Variants in PPFIA2 observed in about 807,000 individuals in gnomAD.
The protein encoded by PPFIA2 is liprin-alpha-2.
A neutral mutation model predicts 175.5 loss-of-function variants in PPFIA2; 46 were observed. The observed-to-expected ratio is 0.26, with a 90% CI of 0.21 to 0.34. The LOEUF is 0.34. Among genes scored for constraint, PPFIA2 ranks in the 10% least tolerant of loss-of-function variants. The pLI, the probability that PPFIA2 is intolerant of heterozygous loss-of-function variation, is 1.00. For synonymous variants in PPFIA2, 568 were observed against 511.4 expected, an observed-to-expected ratio of 1.11 and a Z score of -1.49; for missense variants, 1,179 against 1,506.1, an observed-to-expected ratio of 0.78 and a Z score of 3.60.
At position 81,717,002 on chromosome 12, in the gene PPFIA2, T is replaced by G. The variant is rs573982853; in HGVS notation, c.249+36971A>C. ...TAGGCCTTGTTGAACTAAAGACATT[T>G]CATGATCTGAAGTAATGTAATTGTA... On this transcript the variant is annotated intron_variant, in intron 3 of 32. Transcript: ENST00000549396. Among the ~76,000 whole-genome samples, 10 of 151,728 alleles carry G rather than the reference T, an allele frequency of 6.6e-5. No individual in the cohort carries two copies. In the South Asian group the frequency reaches 2.1e-3, roughly 31 times the overall value.
At position 81,493,789 on chromosome 12, in the gene PPFIA2, C is replaced by T. The variant is rs868210190; in HGVS notation, c.304-35923G>A. 3.9e-3 allele frequency among the ~76,000 whole-genome samples: 409 copies of T among 106,150 alleles called. 7 individuals carry two copies. In the East Asian group the frequency reaches 0.076, roughly 20 times the overall value. 69.6% of individuals were successfully genotyped at this position (106,150 alleles called of 152,430 possible). A position where few individuals can be genotyped will look rare whatever the true frequency, so the allele number is the denominator to read the frequency against. On this transcript the variant is annotated intron_variant, in intron 4 of 32. Transcript: ENST00000549396. ...ATATATATATATATATATATATATA[C>T]ACATTGGAAAAAATAACAGCATTTT...
rs78238760 is a variant in PPFIA2, at chr12:81,417,732, G to T, written c.646-11829C>A. On this transcript the variant is annotated intron_variant, in intron 7 of 32. Transcript: ENST00000549396. ...TTATTTTTATGTGATTTTTAAATGT[G>T]CACATATCAAAATAATGTCAGTATG... Among the ~76,000 whole-genome samples, 12 of 151,670 alleles carry T rather than the reference G, an allele frequency of 7.9e-5. No individual in the cohort carries two copies. In the East Asian group the frequency reaches 1.4e-3, roughly 17 times the overall value.
At chr12:81,302,626 G>C in intron 22 of PPFIA2, 1 of 444,412 alleles carries the variant, frequency 2.3e-6, no homozygotes, top group Non-Finnish European at 4.5e-6. Context: ...AAACGGATCA[G>C]ATGGGAGGGA....
chr12:81,481,274 C>G (rs971225205), intron 4 of PPFIA2, among the ~76,000 whole-genome samples: 1 of 152,146 alleles, frequency 6.6e-6, no homozygotes, highest in Non-Finnish European at 1.5e-5. Context: ...ATTCCAAGCT[C>G]ATGGATAGGA....
At chr12:81,474,535 G>A (rs187553248) in intron 4 of PPFIA2, among the ~76,000 whole-genome samples, 6 of 151,966 alleles carry the variant, frequency 3.9e-5, no homozygotes, top group African/African-American at 7.3e-5. Flanking sequence ...CAAGTGATCC[G>A]CCTGTGCCAG....
In PPFIA2 at chr12:81,581,170, TAAAG is replaced by T. The variant is rs1168582920; in HGVS notation, c.303+95617_303+95620del. ...ACACTTTTTTTTTTTTTTTTGGTCT[TAAAG>T]GAAATCTAAAATCTCCTTGAGCACA... On this transcript the variant is annotated intron_variant, in intron 4 of 32. Coordinates refer to ENST00000549396, the MANE Select transcript of PPFIA2 (RefSeq NM_003625.5). 9.3e-4 allele frequency among the ~76,000 whole-genome samples: 141 copies of T among 151,440 alleles called. 1 individual carries two copies. The highest frequency in any genetic ancestry group is 3.0e-3 in the African/African-American group (124 of 41,314).
Position 81,271,280 on chromosome 12 carries a change from T to C in PPFIA2, c.3311-3193A>G, listed in dbSNP as rs773330422. 1.6e-4 allele frequency among the ~76,000 whole-genome samples: 25 copies of C among 152,224 alleles called. 1 individual carries two copies. The highest frequency in any genetic ancestry group is 2.9e-5 in the Non-Finnish European group (2 of 68,046). Reference sequence around the variant, plus strand: ...ACTCCATTAGCTTTCTTTTTTCTTTTATTTTTTGAGACTCAGTCTCACTCT... The same window carrying C: ...ACTCCATTAGCTTTCTTTTTTCTTTCATTTTTTGAGACTCAGTCTCACTCT... On this transcript the variant is annotated intron_variant, in intron 28 of 32. Transcript: ENST00000549396.
intron 22 of PPFIA2, among the ~76,000 whole-genome samples, chr12:81,322,268 T>C (rs1468513288): frequency 6.6e-6 from 1 of 152,126 alleles, no homozygotes; most frequent in Non-Finnish European, 1.5e-5. Context: ...GAGTGAAATT[T>C]TCAGGTCTGG....
chr12:81,359,848 T>TTGGGCAGAG, intron 15 of PPFIA2, among the ~76,000 whole-genome samples: 1 of 152,062 alleles, frequency 6.6e-6, no homozygotes, highest in Non-Finnish European at 1.5e-5. Context: ...ATCAATTTCC[T>TTGGGCAGAG]GCTTAAAATT....
chr12:81,646,072 T>C (rs2066019482), intron 4 of PPFIA2, among the ~76,000 whole-genome samples: 1 of 152,118 alleles, frequency 6.6e-6, no homozygotes, highest in Non-Finnish European at 1.5e-5. Flanking sequence ...GGAGACACTC[T>C]TACCCCTTCC....
chr12:81,568,411 G>A (rs1158589558), intron 4 of PPFIA2, among the ~76,000 whole-genome samples: 1 of 152,184 alleles, frequency 6.6e-6, no homozygotes, highest in Non-Finnish European at 1.5e-5. Context: ...TGGGATCTCT[G>A]TTGAAGCCTG....
chr12:81,650,167 A>G (rs962825027), intron 4 of PPFIA2, among the ~76,000 whole-genome samples: 1 of 151,882 alleles, frequency 6.6e-6, no homozygotes, highest in East Asian at 1.9e-4. Context: ...CCGCCACTGC[A>G]CCCAGCTAAT....
At chr12:81,311,482 C>T (rs2139095689) in intron 22 of PPFIA2, among the ~76,000 whole-genome samples, 1 of 152,120 alleles carries the variant, frequency 6.6e-6, no homozygotes, top group East Asian at 1.9e-4. Flanking sequence ...GCCTGTAGTC[C>T]CAGCACTTTG....
At chr12:81,363,674 C>G (rs2031936565) in intron 14 of PPFIA2, among the ~76,000 whole-genome samples, 1 of 151,424 alleles carries the variant, frequency 6.6e-6, no homozygotes, top group African/African-American at 2.4e-5. Context: ...TGCAATGTTT[C>G]TCTTTTCTGT....
intron 4 of PPFIA2, among the ~76,000 whole-genome samples, chr12:81,538,666 C>A (rs1246688569): frequency 1.3e-5 from 2 of 151,724 alleles, no homozygotes; most frequent in Non-Finnish European, 2.9e-5. Flanking sequence ...TAGAAAACAG[C>A]AAATACAAGG....
At chr12:81,491,382 A>T (rs1223257522) in intron 4 of PPFIA2, among the ~76,000 whole-genome samples, 2 of 152,072 alleles carry the variant, frequency 1.3e-5, no homozygotes, top group South Asian at 2.1e-4. Context: ...TCCCCAAAAA[A>T]AGTCACCCCA....
intron 3 of PPFIA2, among the ~76,000 whole-genome samples, chr12:81,721,220 A>G (rs753541122): frequency 1.6e-4 from 24 of 151,260 alleles, no homozygotes; most frequent in Non-Finnish European, 3.3e-4. Flanking sequence ...AGAATCTTTC[A>G]TGTTGACCCC....
At chr12:81,669,231 A>AT (rs1310195844) in intron 4 of PPFIA2, among the ~76,000 whole-genome samples, 2 of 151,812 alleles carry the variant, frequency 1.3e-5, no homozygotes, top group Non-Finnish European at 2.9e-5. Context: ...TGCTATTGTC[A>AT]TTTTTACTAC....
intron 4 of PPFIA2, among the ~76,000 whole-genome samples, chr12:81,577,289 T>C (rs2153422838): frequency 6.6e-6 from 1 of 152,010 alleles, no homozygotes; most frequent in Admixed American, 6.6e-5. Context: ...AAAAAGTTTA[T>C]TCTTTTATTG....
Sources: allele counts gnomAD v4.1 joint callset (sites outside exome capture counted in the v4.1 genomes callset), GRCh38; gene constraint gnomAD v4.1.1; transcripts MANE v1.5; gene names NCBI Gene and HGNC (gene_info 2026-07-23, HGNC 2026-07-21).